The following EPHX2 variants were observed in gnomAD, a reference collection of about 807,000 sequenced individuals.
EPHX2 encodes epoxide hydrolase 2.
A neutral mutation model predicts 78.7 loss-of-function variants in EPHX2; 74 were observed. That is an observed-to-expected ratio of 0.94 (90% CI 0.78 to 1.14). The LOEUF (loss-of-function observed/expected upper bound fraction) is 1.14, where lower values mean the gene tolerates loss of function less well. Among genes scored for constraint, EPHX2 ranks in the 50% most tolerant of loss-of-function variants. The pLI is 0.00. For missense variants in EPHX2, 715 were observed against 702.5 expected (o/e 1.02, Z -0.20); for synonymous variants, 251 against 255.2 (o/e 0.98, Z 0.16).
intron 1 of EPHX2, among the ~76,000 whole-genome samples, 154 bp from the exon 2 acceptor site, chr8:27,500,772 C>T (rs749764764): frequency 6.6e-6 from 1 of 152,228 alleles, no homozygotes; most frequent in Admixed American, 6.5e-5. Context: ...TCCTTGCGCG[C>T]AAAGATCCCA....
At chr8:27,491,411 CTGCGAATCA>C (rs1813374696) in intron 1 of EPHX2, 102 bp downstream of exon 1, 1 of 856,152 alleles carries the variant, frequency 1.2e-6, no homozygotes. Flanking sequence ...TGCCGGAGCC[CTGCGAATCA>C]TGCGAATCAT....
In EPHX2 at chr8:27,513,801, G is replaced by GA. The variant is rs1017830927; in HGVS notation, c.735+1892dup. Among the ~76,000 whole-genome samples the GA allele has an allele frequency of 1.6e-4, 25 of 152,238 alleles. 1 individual carries two copies. The highest frequency in any genetic ancestry group is 5.5e-4 in the African/African-American group (23 of 41,540). On this transcript the variant is annotated intron_variant, in intron 6 of 18. Coordinates refer to ENST00000521400, the MANE Select transcript of EPHX2 (RefSeq NM_001979.6). Reference sequence around the variant, plus strand: ...GCTCAAGAGTGAGCTGTTTAGTTGGGATCTGTGCTAGAACACAGGCGAACT... The same window carrying GA: ...GCTCAAGAGTGAGCTGTTTAGTTGGGAATCTGTGCTAGAACACAGGCGAACT...
In EPHX2 at chr8:27,508,783, T is replaced by C. The variant is rs115818931; in HGVS notation, c.660+1789T>C. The stretch of plus-strand genomic sequence containing the variant: ...GTGTGTGTGCGCGCACGCACGTGTG[T>C]GTGTGGACAGTTCAGTGATGTTAAG... On this transcript the variant is annotated intron_variant, in intron 5 of 18. Transcript: ENST00000521400. Among the ~76,000 whole-genome samples, 328 of 152,226 alleles carry C rather than the reference T, an allele frequency of 2.2e-3. 1 individual carries two copies. The highest frequency in any genetic ancestry group is 7.2e-3 in the African/African-American group (301 of 41,536).
chr8:27,515,463 T>C lies in EPHX2; in HGVS notation c.736-255T>C, dbSNP rs754211849. ...GAAGGAGAAGTGTGTTGTTTTGTTT[T>C]ATTTTGTTTTCCAACATCATAATCT... On this transcript the variant is annotated intron_variant, in intron 6 of 18. Transcript: ENST00000521400. The C allele has an allele frequency of 6.4e-5, 31 of 484,546 alleles. 1 individual carries two copies. Among genetic ancestry groups the C allele is most frequent in the Non-Finnish European group, 1.0e-4 (27 of 267,384 alleles). 30.0% of individuals were successfully genotyped at this position (484,546 alleles called of 1,614,324 possible).
chr8:27,525,471 C>A lies in EPHX2; in HGVS notation c.1168C>A (p.Pro390Thr), dbSNP rs902070596. Residue 390 changes from proline (P) to threonine (T), a missense_variant and splice_region_variant, in exon 12 of 19, where the codon CCA (proline) becomes ACA (threonine). Pro to Thr is a conservative substitution (Grantham distance 38). Transcript: ENST00000521400. ...VFDYQLYFQEPGVAEAELEQN... is the reference protein window; with the variant it reads ...VFDYQLYFQETGVAEAELEQN... Reference sequence around the variant, plus strand: ...TGATTACCAGCTCTACTTCCAAGAACCAGTAAGTATGGCACCAAGGGCAAC... The same window carrying A: ...TGATTACCAGCTCTACTTCCAAGAAACAGTAAGTATGGCACCAAGGGCAAC... 2 of 1,612,548 alleles carry A rather than the reference C, an allele frequency of 1.2e-6. No homozygotes were observed. The highest frequency in any genetic ancestry group is 1.3e-5 in the African/African-American group (1 of 74,854).
intron 12 of EPHX2, among the ~76,000 whole-genome samples, chr8:27,536,146 C>T (rs1434801247): frequency 6.6e-6 from 1 of 152,174 alleles, no homozygotes; most frequent in Non-Finnish European, 1.5e-5. Flanking sequence ...TGTCCCAGCT[C>T]TTTAACAGTG....
In EPHX2 at chr8:27,541,487, G is replaced by A. The variant is rs1461998285; in HGVS notation, c.1394G>A (p.Trp465Ter). Residue 465 changes from tryptophan to a stop codon, truncating the protein, a stop_gained, in exon 16 of 19, where the codon TGG becomes TAG. Transcript: ENST00000521400. LOFTEE classifies it high-confidence loss of function. ...TCTCTCCCCAGAGGTCCTCTAAACTGGTACCGAAACATGGAAAGGAACTGG... is the reference window on the plus strand; with the variant it reads ...TCTCTCCCCAGAGGTCCTCTAAACTAGTACCGAAACATGGAAAGGAACTGG... ...KKSGFRGPLN[W>*]YRNMERNWKW... 2.5e-6 allele frequency: 4 copies of A among 1,614,216 alleles called. No individual in the cohort carries two copies. The highest frequency in any genetic ancestry group is 1.1e-5 in the South Asian group (1 of 91,082).
In EPHX2 at chr8:27,510,006, A is replaced by G. The variant is rs1054435626; in HGVS notation, c.661-1830A>G. The stretch of plus-strand genomic sequence containing the variant: ...CACAGGCCTTGGCTCCCGCCCGACC[A>G]TGGGCTCATGGCCATCAGGAGACAG... On this transcript the variant is annotated intron_variant, in intron 5 of 18. Transcript: ENST00000521400. Among the ~76,000 whole-genome samples, 11 of 152,234 alleles carry G rather than the reference A, an allele frequency of 7.2e-5. No individual in the cohort carries two copies. In the East Asian group the frequency reaches 1.7e-3, roughly 24 times the overall value.
intron 12 of EPHX2, among the ~76,000 whole-genome samples, chr8:27,530,067 C>CTT (rs34619047): frequency 1.4e-5 from 2 of 144,832 alleles, no homozygotes; most frequent in Admixed American, 6.9e-5. Context: ...GTCTCTCTCT[C>CTT]TTTTTTTTTT....
chr8:27,535,326 C>T (rs1046019431), intron 12 of EPHX2, among the ~76,000 whole-genome samples: 2 of 152,088 alleles, frequency 1.3e-5, no homozygotes, highest in African/African-American at 2.4e-5. Flanking sequence ...TAGGCATGCA[C>T]CACCATGCCC....
In EPHX2 at chr8:27,491,321, C is replaced by A; in HGVS notation, c.101+12C>A. 6.8e-7 allele frequency: 1 copy of A among 1,473,864 alleles called. No homozygotes were observed. The highest frequency in any genetic ancestry group is 8.9e-7 in the Non-Finnish European group (1 of 1,123,910). 91.3% of individuals were successfully genotyped at this position (1,473,864 alleles called of 1,614,324 possible). On this transcript the variant is annotated intron_variant, in intron 1 of 18. Transcript: ENST00000521400. ...CTGGCGCTGCCCAGGTAAGGGGGCC[C>A]AGCGCCGCCGCCGCAGTGGGTCGGG...
intron 5 of EPHX2, 48 bp downstream of exon 5, chr8:27,507,042 T>C: frequency 6.2e-7 from 1 of 1,600,408 alleles, no homozygotes. Context: ...CATCTGTGGT[T>C]TCTGGACTCA....
At chr8:27,546,651 C>T (rs572670485), downstream of EPHX2, among the ~76,000 whole-genome samples, 190 of 152,236 alleles carry the variant, frequency 1.2e-3, 2 homozygotes, top group South Asian at 0.012. Flanking sequence ...CCTGTCTTCC[C>T]GAAAGTCTCG....
chr8:27,538,651 T>G lies in EPHX2; in HGVS notation c.1243-8T>G, dbSNP rs1409293791. On this transcript the variant is annotated splice_region_variant and splice_polypyrimidine_tract_variant and intron_variant, in intron 13 of 18. Coordinates refer to ENST00000521400, the MANE Select transcript of EPHX2 (RefSeq NM_001979.6). ...ATCATTTGTAACTCTTTTCTTTTCT[T>G]CCTTCAGAGTGTTTTATCCATGCAT... The G allele has an allele frequency of 3.1e-6, 5 of 1,609,184 alleles. No homozygotes were observed. Among genetic ancestry groups the G allele is most frequent in the Non-Finnish European group, 4.2e-6 (5 of 1,176,770 alleles).
In EPHX2 at chr8:27,544,446, C is replaced by A. The variant is rs1563366511; in HGVS notation, c.1592C>A (p.Pro531Gln). 1 of 1,614,090 alleles carries A rather than the reference C, an allele frequency of 6.2e-7. No individual in the cohort carries two copies. The highest frequency in any genetic ancestry group is 1.7e-5 in the Admixed American group (1 of 60,010). The part of the protein sequence containing the change: ...DCGHWTQMDK[P>Q]TEVNQILIKW... The stretch of plus-strand genomic sequence containing the variant: ...TTTTACTTCTCCCTTTCCCCCAGGC[C>A]AACCGAGGTGAATCAGATCCTCATT... The change falls in exon 19 of 19, where the codon CCA (proline) becomes CAA (glutamine). Residue 531 changes from proline (P) to glutamine (Q), a missense_variant and splice_region_variant. Physicochemically the swap from Pro to Gln is moderately conservative, Grantham distance 76. Transcript: ENST00000521400.
chr8:27,516,178 C>T lies in EPHX2; in HGVS notation c.832-142C>T, dbSNP rs147144915. On this transcript the variant is annotated intron_variant, in intron 7 of 18. Transcript: ENST00000521400. ...CCCTGTATAAATGGGCTTATTTCAGCTCCATGGCAAAGTTACCGGGTAGTG... is the reference window on the plus strand; with the variant it reads ...CCCTGTATAAATGGGCTTATTTCAGTTCCATGGCAAAGTTACCGGGTAGTG... 12 of 842,660 alleles carry T rather than the reference C, an allele frequency of 1.4e-5. No homozygotes were observed. In the East Asian group the frequency reaches 2.7e-4, roughly 19 times the overall value. The allele number at this position is 842,660 out of a possible 1,614,324, so 52.2% of individuals were successfully genotyped here. A position where few individuals can be genotyped will look rare whatever the true frequency, so the allele number is the denominator to read the frequency against.
Position 27,516,385 on chromosome 8 carries a change from A to T in EPHX2, c.897A>T (p.Ser299=), listed in dbSNP as rs956331627. 1 of 1,613,866 alleles carries T rather than the reference A, an allele frequency of 6.2e-7. No homozygotes were observed. The highest frequency in any genetic ancestry group is 8.5e-7 in the Non-Finnish European group (1 of 1,179,872). Residue 299 remains serine, a synonymous_variant, in exon 8 of 19, where the codon TCA becomes TCT. Coordinates refer to ENST00000521400, the MANE Select transcript of EPHX2 (RefSeq NM_001979.6). ...TGGACATGAAAGGCTATGGAGAGTC[A>T]TCTGCTCCTCCCGGTGGGTGTGCTG... is the stretch of plus-strand genomic sequence containing the variant. ...LAMDMKGYGE[S]SAPPEIEEYC...
intron 7 of EPHX2, 61 bp downstream of exon 7, chr8:27,515,874 G>A: frequency 7.1e-7 from 1 of 1,405,480 alleles, no homozygotes; most frequent in South Asian, 1.2e-5. Context: ...TAGATGGTGT[G>A]GTCCGACGTG....
chr8:27,524,308 A>G (rs867870757), intron 11 of EPHX2, among the ~76,000 whole-genome samples: 9 of 152,168 alleles, frequency 5.9e-5, no homozygotes, highest in African/African-American at 2.2e-4. Context: ...CTGGATTCCC[A>G]GGTTCTGGCC....
Sources: allele counts gnomAD v4.1 joint callset (sites outside exome capture counted in the v4.1 genomes callset), GRCh38; gene constraint gnomAD v4.1.1; transcripts MANE v1.5; gene names NCBI Gene and HGNC (gene_info 2026-07-23, HGNC 2026-07-21).